Variants in GCN1 observed in about 807,000 individuals in gnomAD.
GCN1 encodes stalled ribosome sensor GCN1.
GCN1 carries 90 observed loss-of-function variants against 288.4 expected under a neutral mutation model. That is an observed-to-expected ratio of 0.31 (90% CI 0.26 to 0.37). The LOEUF is 0.37. Among genes scored for constraint, GCN1 ranks in the 10% least tolerant of loss-of-function variants. GCN1 has a pLI of 1.00. For missense variants in GCN1, 2,586 were observed against 3,419.9 expected, an observed-to-expected ratio of 0.76 and a Z score of 6.08; for synonymous variants, 1,386 against 1,420.2, an observed-to-expected ratio of 0.98 and a Z score of 0.54.
At chr12:120,185,482 GAA>G in intron 2 of GCN1, among the ~76,000 whole-genome samples, 1 of 152,196 alleles carries the variant, frequency 6.6e-6, no homozygotes, top group Non-Finnish European at 1.5e-5. Flanking sequence ...ACATGAAGAA[GAA>G]GAGAGGACTA....
chr12:120,190,517 C>T, intron 1 of GCN1, 117 bp from the exon 2 acceptor site: 1 of 672,566 alleles, frequency 1.5e-6, no homozygotes. Flanking sequence ...TCTCAACCTC[C>T]CCACTGGTGA....
At position 120,162,935 on chromosome 12, in the gene GCN1, G is replaced by A. The variant is rs765683286; in HGVS notation, c.2075C>T (p.Ala692Val). ...GGCTTCAGGATCGATCTTCATCCTG[G>A]CAAGAAGTGCTGGCCAAAGTCCAGA... Reference protein sequence around the residue: ...VQSGLWPALLARMKIDPEAFI... With the variant: ...VQSGLWPALLVRMKIDPEAFI... Residue 692 changes from alanine to valine, a missense_variant, in exon 20 of 58, where the codon GCC becomes GTC. Physicochemically the swap from Ala to Val is moderately conservative, Grantham distance 64. This residue lies in a region of GCN1 where 913 missense variants were observed against 1,107.0 expected (regional missense o/e 0.82). Coordinates refer to ENST00000300648, the MANE Select transcript of GCN1 (RefSeq NM_006836.2). The A allele has an allele frequency of 1.2e-6, 2 of 1,614,206 alleles. No homozygotes were observed. The highest frequency in any genetic ancestry group is 2.2e-5 in the South Asian group (2 of 91,084).
chr12:120,140,742 C>T, intron 45 of GCN1, 117 bp downstream of exon 45: 1 of 918,894 alleles, frequency 1.1e-6, no homozygotes, highest in South Asian at 1.8e-5. Flanking sequence ...GAGACTGGCT[C>T]ATCCCTGAGG....
At chr12:120,182,021 C>T (rs1878680634) in intron 5 of GCN1, among the ~76,000 whole-genome samples, 1 of 151,064 alleles carries the variant, frequency 6.6e-6, no homozygotes, top group African/African-American at 2.4e-5. Flanking sequence ...GTGGCATGCA[C>T]ATATAGTCCC....
intron 5 of GCN1, among the ~76,000 whole-genome samples, chr12:120,179,234 CCTG>C (rs759883619): frequency 6.6e-6 from 1 of 151,898 alleles, no homozygotes; most frequent in Non-Finnish European, 1.5e-5. Flanking sequence ...AGACATGGTC[CCTG>C]CTTTTTTTTT....
chr12:120,156,975 CA>C lies in GCN1; in HGVS notation c.3104del (p.Leu1035ArgfsTer10). ...GRVDENGPEL[L>X]PRVAMLRLLT... Reference sequence around the variant, plus strand: ...GAAGACGCAGCATGGCCACGCGAGGCAGCAACTCCGGGCCATTCTAGGAGAG... The same window carrying C: ...GAAGACGCAGCATGGCCACGCGAGGCGCAACTCCGGGCCATTCTAGGAGAG... On this transcript the variant is annotated frameshift_variant, in exon 27 of 58. Transcript: ENST00000300648. LOFTEE classifies it high-confidence loss of function. This position sits in a 1 kb window ranked among gnomAD's most constrained non-coding sequence, Gnocchi z 5.8. 1 of 1,612,728 alleles carries C rather than the reference CA, an allele frequency of 6.2e-7. No homozygotes were observed. Among genetic ancestry groups the C allele is most frequent in the Non-Finnish European group, 8.5e-7 (1 of 1,178,808 alleles).
intron 5 of GCN1, among the ~76,000 whole-genome samples, chr12:120,181,666 C>T (rs1167467866): frequency 6.6e-6 from 1 of 151,152 alleles, no homozygotes; most frequent in Non-Finnish European, 1.5e-5. Context: ...ATAGAGAAAC[C>T]CCGTCTCTAG....
intron 36 of GCN1, among the ~76,000 whole-genome samples, chr12:120,148,930 C>G (rs960163283): frequency 6.6e-6 from 1 of 152,034 alleles, no homozygotes; most frequent in Non-Finnish European, 1.5e-5. Flanking sequence ...AGTGATCCTT[C>G]CACTTCAGCC....
chr12:120,166,847 T>TA (rs948809379), intron 16 of GCN1, among the ~76,000 whole-genome samples: 11 of 147,236 alleles, frequency 7.5e-5, no homozygotes, highest in South Asian at 4.3e-4. Context: ...CCCCGTCTCT[T>TA]AAAAAAAAAT....
chr12:120,131,358 T>C lies in GCN1; in HGVS notation c.7415-25A>G, dbSNP rs764549045. On this transcript the variant is annotated intron_variant, in intron 54 of 57. Coordinates refer to ENST00000300648, the MANE Select transcript of GCN1 (RefSeq NM_006836.2). ...GCTGGGTGGAAGGACACGACTGGGATCAACCGGTATTTTACAGCATGTCCC... is the reference window on the plus strand; with the variant it reads ...GCTGGGTGGAAGGACACGACTGGGACCAACCGGTATTTTACAGCATGTCCC... 15 of 1,611,402 alleles carry C rather than the reference T, an allele frequency of 9.3e-6. No homozygotes were observed. The African/African-American group carries it at 1.6e-4, about 17-fold the overall frequency.
At position 120,155,678 on chromosome 12, in the gene GCN1, A is replaced by G; in HGVS notation, c.3354T>C (p.Thr1118=). The change falls in exon 29 of 58, where the codon ACT becomes ACC. Residue 1118 remains threonine (T), a synonymous_variant. Transcript: ENST00000300648. The surrounding 1 kb of genome is among the most constrained non-coding windows in gnomAD (Gnocchi z 4.9). ...ELHMVLPAPD[T]DEKNGLNLLR... is the part of the protein sequence containing the mutation. Reference sequence around the variant, plus strand: ...GAAGGTTCAGGCCATTCTTCTCATCAGTATCAGGTGCTGGCAATACCATGT... The same window carrying G: ...GAAGGTTCAGGCCATTCTTCTCATCGGTATCAGGTGCTGGCAATACCATGT... 1 of 1,613,910 alleles carries G rather than the reference A, an allele frequency of 6.2e-7. No individual in the cohort carries two copies. Among genetic ancestry groups the G allele is most frequent in the Non-Finnish European group, 8.5e-7 (1 of 1,179,890 alleles).
In GCN1 at chr12:120,162,196, G is replaced by A. The variant is rs1460148680; in HGVS notation, c.2164-138C>T. On this transcript the variant is annotated intron_variant, in intron 20 of 57. Coordinates refer to ENST00000300648, the MANE Select transcript of GCN1 (RefSeq NM_006836.2). ...TTACTCCTGGGCAATGCCCATCACA[G>A]TGGCCGGCTGGAGTCTGCGTCTGCT... 5.8e-6 allele frequency: 4 copies of A among 695,220 alleles called. No individual in the cohort carries two copies. The African/African-American group carries it at 7.1e-5, about 12-fold the overall frequency. The allele number at this position is 695,220 out of a possible 1,614,324, so 43.1% of individuals were successfully genotyped here.
intron 22 of GCN1, 119 bp downstream of exon 22, chr12:120,161,371 G>A (rs534248740): frequency 7.1e-6 from 5 of 701,228 alleles, no homozygotes; most frequent in African/African-American, 5.3e-5. Context: ...GGCATCAGAG[G>A]AGTGTGCCAT....
chr12:120,139,058 C>T, intron 45 of GCN1: 1 of 404,994 alleles, frequency 2.5e-6, no homozygotes, highest in South Asian at 3.5e-5. Flanking sequence ...ACCTGTAATC[C>T]CAGCACTTTG....
chr12:120,175,254 C>T, intron 11 of GCN1, 42 bp from the exon 12 acceptor site: 1 of 1,552,942 alleles, frequency 6.4e-7, no homozygotes, highest in Non-Finnish European at 8.9e-7. Flanking sequence ...ACATATGCCA[C>T]ATTTCCCAAG....
Position 120,129,410 on chromosome 12 carries a change from C to G in GCN1, c.7756G>C (p.Asp2586His), listed in dbSNP as rs2139077622. 1 of 1,613,802 alleles carries G rather than the reference C, an allele frequency of 6.2e-7. No homozygotes were observed. Among genetic ancestry groups the G allele is most frequent in the Non-Finnish European group, 8.5e-7 (1 of 1,179,776 alleles). Residue 2586 changes from aspartate (D) to histidine (H), a missense_variant, in exon 57 of 58, where the codon GAC becomes CAC. Asp to His is a moderately conservative substitution (Grantham distance 81, BLOSUM62 -1). Coordinates refer to ENST00000300648, the MANE Select transcript of GCN1 (RefSeq NM_006836.2). ...AGGATGGGCTTGATGGCCTGGGGGTCCAGGGGAGGCAGTGGGTCCTTATTT... is the reference window on the plus strand; with the variant it reads ...AGGATGGGCTTGATGGCCTGGGGGTGCAGGGGAGGCAGTGGGTCCTTATTT... ...WANKDPLPPL[D>H]PQAIKPILKA...
At position 120,144,062 on chromosome 12, in the gene GCN1, T is replaced by C. The variant is rs1877282204; in HGVS notation, c.5495+244A>G. 6.6e-6 allele frequency among the ~76,000 whole-genome samples: 1 copy of C among 152,184 alleles called. No homozygotes were observed. Among genetic ancestry groups the C allele is most frequent in the Admixed American group, 6.5e-5 (1 of 15,280 alleles). ...CACAATCTCGGCTCACTGCAACCTC[T>C]ACCTCTGGGGCTCAAGTGATCCTTC... On this transcript the variant is annotated intron_variant, in intron 42 of 57. Coordinates refer to ENST00000300648, the MANE Select transcript of GCN1 (RefSeq NM_006836.2). The surrounding 1 kb of genome is among the most constrained non-coding windows in gnomAD (Gnocchi z 4.7).
rs755763707 is a variant in GCN1 at position 120,140,931 on chromosome 12, A to G, written c.5922T>C (p.Ser1974=). 3.1e-5 allele frequency: 50 copies of G among 1,613,970 alleles called. 1 individual carries two copies. The Admixed American group carries it at 7.7e-4, about 25-fold the overall frequency. Residue 1974 remains serine (S), a synonymous_variant, in exon 45 of 58, where the codon TCT becomes TCC. Coordinates refer to ENST00000300648, the MANE Select transcript of GCN1 (RefSeq NM_006836.2). ...CACCCTGCCTCTCATCGCTCTTCTG[A>G]GACCTCAGGCCTTCCTCAAGGATGG... ...IIPILEEGLR[S]QKSDERQGVC... is the part of the protein sequence containing the mutation.
Position 120,178,963 on chromosome 12 carries a change from G to A in GCN1, c.427-13C>T. On this transcript the variant is annotated splice_polypyrimidine_tract_variant and intron_variant, in intron 5 of 57. Transcript: ENST00000300648. Reference sequence around the variant, plus strand: ...ACTGCACTTCCACCTGCCAGGACCAGGGAAGACTCAGGTCAAGGTGGGACA... The same window carrying A: ...ACTGCACTTCCACCTGCCAGGACCAAGGAAGACTCAGGTCAAGGTGGGACA... The A allele has an allele frequency of 6.2e-7, 1 of 1,609,540 alleles. No individual in the cohort carries two copies. Among genetic ancestry groups the A allele is most frequent in the South Asian group, 1.1e-5 (1 of 90,770 alleles).
Sources: gnomAD v4.1 joint callset for allele counts (sites outside exome capture counted in the v4.1 genomes callset) on GRCh38, gnomAD v4.1.1 for gene constraint, gnomAD v4.1.1 regional missense constraint, Gnocchi (gnomAD v3.1) non-coding constraint, MANE v1.5 for transcripts, NCBI Gene and HGNC (gene_info 2026-07-23, HGNC 2026-07-21) for gene names.